The following GP2 variants were observed in gnomAD, a reference collection of about 807,000 sequenced individuals.
The protein encoded by GP2 is pancreatic secretory granule membrane major glycoprotein GP2.
Under a neutral mutation model 60.8 loss-of-function variants are expected in GP2, and 58 were observed. The ratio of observed to expected loss-of-function variants is 0.95; its 90% CI spans 0.77 to 1.19. The LOEUF (loss-of-function observed/expected upper bound fraction) is 1.19. GP2 is among the 50% of genes most tolerant of loss of function. GP2 has a pLI of 0.00. For missense variants in GP2, 647 were observed against 667.4 expected (o/e 0.97, Z 0.34); for synonymous variants, 280 against 253.4 (o/e 1.10, Z -1.00).
intron 3 of GP2, chr16:20,323,380 C>T (rs896934279): frequency 1.3e-5 from 9 of 718,288 alleles, no homozygotes; most frequent in East Asian, 2.7e-5. Context: ...GTAGCACTTA[C>T]CTCGTGGAAC....
chr16:20,317,457 CATG>C, intron 7 of GP2, 82 bp from the exon 8 acceptor site: 1 of 1,050,706 alleles, frequency 9.5e-7, no homozygotes, highest in African/African-American at 1.6e-5. Context: ...TTCCCTCCAT[CATG>C]ATAACGTGGA....
chr16:20,316,413 G>A (rs1461847256), intron 8 of GP2, among the ~76,000 whole-genome samples: 1 of 152,176 alleles, frequency 6.6e-6, no homozygotes, highest in African/African-American at 2.4e-5. Flanking sequence ...CCAAATGCAG[G>A]CAAGAGCAGG....
chr16:20,324,170 C>CA lies in GP2; in HGVS notation c.180dup (p.Asp61Ter). ...AGGAGGGTGTAATTCTGACAGGGGT[C>CA]AAAACAGACATGAGCCTCTGGGGTG... On this transcript the variant is annotated frameshift_variant, in exon 3 of 11. Coordinates refer to ENST00000302555, the MANE Select transcript of GP2 (RefSeq NM_001502.4). LOFTEE classifies it high-confidence loss of function. 6.2e-7 allele frequency: 1 copy of CA among 1,614,000 alleles called. No individual in the cohort carries two copies. Among genetic ancestry groups the CA allele is most frequent in the Non-Finnish European group, 8.5e-7 (1 of 1,179,864 alleles).
rs1157948075 is a variant in GP2 at position 20,323,914 on chromosome 16, C to G, written c.437G>C (p.Cys146Ser). The G allele has an allele frequency of 6.2e-7, 1 of 1,614,078 alleles. No homozygotes were observed. Among genetic ancestry groups the G allele is most frequent in the South Asian group, 1.1e-5 (1 of 91,082 alleles). The change falls in exon 3 of 11, where the codon TGT becomes TCT. Residue 146 changes from cysteine to serine, a missense_variant. Coordinates refer to ENST00000302555, the MANE Select transcript of GP2 (RefSeq NM_001502.4). ...CACCAGCACCTCTGTTTTCCAGAAA[C>G]AGCAGTTGCCACTCCAATGGGCACA... ...TACAHWSGNC[C>S]FWKTEVLVKA...
intron 10 of GP2, among the ~76,000 whole-genome samples, chr16:20,314,340 A>G (rs1964091009): frequency 1.3e-5 from 2 of 150,394 alleles, no homozygotes; most frequent in African/African-American, 2.4e-5. Context: ...TTTTATTTCT[A>G]AAGTACCATG....
In GP2 at chr16:20,318,346, G is replaced by T; in HGVS notation, c.1092C>A (p.Tyr364Ter). ...CAGACAGTTCAACTGCATCCCCTTC[G>T]TAAGGATTCGTGTAGTTCTGGTCTT... ...LFQDQNYTNP[Y>*]EGDAVELSVE... Residue 364 changes from tyrosine to a stop codon, truncating the protein, a stop_gained, in exon 7 of 11, where the codon TAC (tyrosine) becomes TAA (stop). Transcript: ENST00000302555. LOFTEE classifies it high-confidence loss of function. The T allele has an allele frequency of 1.2e-6, 2 of 1,613,090 alleles. No individual in the cohort carries two copies. The highest frequency in any genetic ancestry group is 1.7e-6 in the Non-Finnish European group (2 of 1,179,096).
At chr16:20,315,858 A>G in intron 9 of GP2, 98 bp downstream of exon 9, 2 of 769,664 alleles carry the variant, frequency 2.6e-6, no homozygotes, top group Non-Finnish European at 2.4e-6. Flanking sequence ...CTGAGGTGGT[A>G]CAAGAGCCCT....
Position 20,321,575 on chromosome 16 carries a change from G to T in GP2, c.647-1102C>A, listed in dbSNP as rs543478895. Reference sequence around the variant, plus strand: ...TGAAGTCAGGGAAGGATTCACAGTGGTATGAAATTTGAAACGTGGGTAGGA... The same window carrying T: ...TGAAGTCAGGGAAGGATTCACAGTGTTATGAAATTTGAAACGTGGGTAGGA... On this transcript the variant is annotated intron_variant, in intron 4 of 10. Transcript: ENST00000302555. Among the ~76,000 whole-genome samples the T allele has an allele frequency of 2.0e-5, 3 of 152,194 alleles. No homozygotes were observed. In the South Asian group the frequency reaches 6.2e-4, roughly 32 times the overall value.
chr16:20,327,455 A>G lies in GP2; in HGVS notation c.-37+12T>C. ...TAGGAGGAAGCCTCCTGGGGCTTAA[A>G]GCAGGACTTACCTCCGATGAGAACA... On this transcript the variant is annotated intron_variant, in intron 1 of 10. Coordinates refer to ENST00000302555, the MANE Select transcript of GP2 (RefSeq NM_001502.4). The G allele has an allele frequency of 3.9e-6, 5 of 1,285,616 alleles. No homozygotes were observed. The South Asian group carries it at 6.2e-5, about 16-fold the overall frequency. The allele number at this position is 1,285,616 out of a possible 1,614,324, so 79.6% of individuals were successfully genotyped here. A position where few individuals can be genotyped will look rare whatever the true frequency, so the allele number is the denominator to read the frequency against.
chr16:20,326,067 T>C (rs951734775), intron 2 of GP2, among the ~76,000 whole-genome samples: 6 of 152,222 alleles, frequency 3.9e-5, no homozygotes, highest in African/African-American at 1.4e-4. Context: ...TTCTTTAATC[T>C]GGGGTCTCTA....
In GP2 at chr16:20,311,074, T is replaced by G; in HGVS notation, c.*149A>C. 3 of 556,412 alleles carry G rather than the reference T, an allele frequency of 5.4e-6. No homozygotes were observed. Among genetic ancestry groups the G allele is most frequent in the African/African-American group, 2.0e-5 (1 of 51,186 alleles). 34.5% of individuals were successfully genotyped at this position (556,412 alleles called of 1,614,324 possible). A position where few individuals can be genotyped will look rare whatever the true frequency, so the allele number is the denominator to read the frequency against. ...GCCCAGCCGAGAGTTTTAAAGAAGGTGAAAGCTCTTCCCTTTTCCTAACCT... is the reference window on the plus strand; with the variant it reads ...GCCCAGCCGAGAGTTTTAAAGAAGGGGAAAGCTCTTCCCTTTTCCTAACCT... On this transcript the variant is annotated 3_prime_UTR_variant, in exon 11 of 11. Transcript: ENST00000302555.
chr16:20,314,018 T>C (rs112692575), intron 10 of GP2, among the ~76,000 whole-genome samples: 38 of 152,130 alleles, frequency 2.5e-4, no homozygotes, highest in African/African-American at 8.7e-4. Flanking sequence ...TGAATGTCTA[T>C]ACAATGAGAA....
At chr16:20,321,567 T>G (rs576051002) in intron 4 of GP2, among the ~76,000 whole-genome samples, 52 of 152,306 alleles carry the variant, frequency 3.4e-4, no homozygotes, top group Non-Finnish European at 7.2e-4. Flanking sequence ...AGGGAAGGAT[T>G]CACAGTGGTA....
At chr16:20,313,136 A>G (rs1964041649) in intron 10 of GP2, among the ~76,000 whole-genome samples, 1 of 152,226 alleles carries the variant, frequency 6.6e-6, no homozygotes, top group Non-Finnish European at 1.5e-5. Flanking sequence ...TCACCAATAT[A>G]AGTCATTTTG....
intron 7 of GP2, among the ~76,000 whole-genome samples, chr16:20,317,776 C>T (rs1964230701): frequency 1.3e-5 from 2 of 152,164 alleles, no homozygotes; most frequent in South Asian, 2.1e-4. Flanking sequence ...AGGATTATTA[C>T]TATAATTTAA....
chr16:20,313,280 CG>C, intron 10 of GP2, among the ~76,000 whole-genome samples: 1 of 137,384 alleles, frequency 7.3e-6, no homozygotes. Context: ...TCTCTCTCTG[CG>C]TGTGTGTGTG....
At chr16:20,312,448 A>G (rs993401734) in intron 10 of GP2, among the ~76,000 whole-genome samples, 1 of 152,240 alleles carries the variant, frequency 6.6e-6, no homozygotes, top group African/African-American at 2.4e-5. Flanking sequence ...GCAGACAATG[A>G]AAACCACAAG....
At chr16:20,311,618 C>T (rs1450371769) in intron 10 of GP2, among the ~76,000 whole-genome samples, 1 of 152,178 alleles carries the variant, frequency 6.6e-6, no homozygotes, top group Non-Finnish European at 1.5e-5. Context: ...TCCTGTTGCT[C>T]TCTCATCAAC....
intron 9 of GP2, 104 bp downstream of exon 9, chr16:20,315,852 G>A (rs1297419226): frequency 9.3e-6 from 7 of 751,908 alleles, no homozygotes; most frequent in Non-Finnish European, 1.7e-5. Flanking sequence ...GTCAGACTGA[G>A]GTGGTACAAG....
Sources: gnomAD v4.1 joint callset for allele counts (sites outside exome capture counted in the v4.1 genomes callset) on GRCh38, gnomAD v4.1.1 for gene constraint, MANE v1.5 for transcripts, NCBI Gene and HGNC (gene_info 2026-07-23, HGNC 2026-07-21) for gene names.